The following ZSCAN1 variants were observed in gnomAD, a reference collection of about 807,000 sequenced individuals.
ZSCAN1 encodes zinc finger and SCAN domain-containing protein 1.
Under a neutral mutation model 23.8 loss-of-function variants are expected in ZSCAN1, and 23 were observed. That is an observed-to-expected ratio of 0.97 (90% CI 0.70 to 1.37). The LOEUF (loss-of-function observed/expected upper bound fraction) is 1.37, where lower values mean the gene tolerates loss of function less well. Ranked by LOEUF, ZSCAN1 falls within the 40% of genes most tolerant of loss-of-function variation. ZSCAN1 has a pLI of 0.00. For synonymous variants in ZSCAN1, 236 were observed against 232.3 expected (o/e 1.02, Z -0.15); for missense variants, 575 against 554.0 (o/e 1.04, Z -0.38).
At chr19:58,038,505 G>A (rs1237248196) in intron 3 of ZSCAN1, 5 of 561,276 alleles carry the variant, frequency 8.9e-6, no homozygotes, top group Admixed American at 3.4e-5. Flanking sequence ...TGGGAAGGAC[G>A]CTGCCTCGCC....
Position 58,054,215 on chromosome 19 carries a change from G to A in ZSCAN1, c.*164G>A, listed in dbSNP as rs1456714688. On this transcript the variant is annotated 3_prime_UTR_variant, in exon 6 of 6. Transcript: ENST00000282326. This position sits in a 1 kb window ranked among gnomAD's most constrained non-coding sequence, Gnocchi z 4.2. Reference sequence around the variant, plus strand: ...TCGGAAGACCCTGGACACCTGCTCCGAAGCCAAGCACGGGATGGGGCTTCC... The same window carrying A: ...TCGGAAGACCCTGGACACCTGCTCCAAAGCCAAGCACGGGATGGGGCTTCC... 1.9e-5 allele frequency: 18 copies of A among 965,194 alleles called. No homozygotes were observed. The highest frequency in any genetic ancestry group is 2.0e-5 in the Non-Finnish European group (14 of 684,952). The allele number at this position is 965,194 out of a possible 1,614,324, so 59.8% of individuals were successfully genotyped here. A position where few individuals can be genotyped will look rare whatever the true frequency, so the allele number is the denominator to read the frequency against.
rs146973204 is a variant in ZSCAN1 at position 58,053,720 on chromosome 19, T to C, written c.896T>C (p.Met299Thr). The C allele has an allele frequency of 1.2e-5, 19 of 1,613,888 alleles. No homozygotes were observed. Among genetic ancestry groups the C allele is most frequent in the Non-Finnish European group, 1.5e-5 (18 of 1,179,988 alleles). The change falls in exon 6 of 6, where the codon ATG (methionine) becomes ACG (threonine). Residue 299 changes from methionine (M) to threonine (T), a missense_variant. Coordinates refer to ENST00000282326, the MANE Select transcript of ZSCAN1 (RefSeq NM_182572.4). This position sits in a 1 kb window ranked among gnomAD's most constrained non-coding sequence, Gnocchi z 5.8. ...CCCTTCCAGTGTGCCGACTGTGGGATGGTCTTCACCTGGGTCACCCACTTC... is the reference window on the plus strand; with the variant it reads ...CCCTTCCAGTGTGCCGACTGTGGGACGGTCTTCACCTGGGTCACCCACTTC... ...GRPFQCADCG[M>T]VFTWVTHFIE...
Position 58,045,878 on chromosome 19 carries a change from A to G in ZSCAN1, c.465+5334A>G. On this transcript the variant is annotated intron_variant, in intron 4 of 5. Coordinates refer to ENST00000282326, the MANE Select transcript of ZSCAN1 (RefSeq NM_182572.4). The surrounding 1 kb of genome is among the most constrained non-coding windows in gnomAD (Gnocchi z 4.3). ...GCCGACCAGCTCAAGTCCACACTGCAGACTCTCCCAGAGATTGTGGCAAAG... is the reference window on the plus strand; with the variant it reads ...GCCGACCAGCTCAAGTCCACACTGCGGACTCTCCCAGAGATTGTGGCAAAG... 1 of 1,005,390 alleles carries G rather than the reference A, an allele frequency of 9.9e-7. No individual in the cohort carries two copies. The highest frequency in any genetic ancestry group is 1.6e-6 in the Non-Finnish European group (1 of 624,882). The allele number at this position is 1,005,390 out of a possible 1,614,324, so 62.3% of individuals were successfully genotyped here.
In ZSCAN1 at chr19:58,046,482, C is replaced by T. The variant is rs959147792; in HGVS notation, c.465+5938C>T. ...CCAGCAAGCTGGCCCCGGCCAAGGG[C>T]GTGCCCATGGGGGAGAACGTCATCA... is the stretch of plus-strand genomic sequence containing the variant. On this transcript the variant is annotated intron_variant, in intron 4 of 5. Coordinates refer to ENST00000282326, the MANE Select transcript of ZSCAN1 (RefSeq NM_182572.4). 1.3e-5 allele frequency: 11 copies of T among 856,958 alleles called. No individual in the cohort carries two copies. The East Asian group carries it at 2.2e-4, about 17-fold the overall frequency. The allele number at this position is 856,958 out of a possible 1,614,324, so 53.1% of individuals were successfully genotyped here. A position where few individuals can be genotyped will look rare whatever the true frequency, so the allele number is the denominator to read the frequency against.
intron 4 of ZSCAN1, chr19:58,044,924 C>T (rs2073814944): frequency 2.2e-6 from 2 of 901,702 alleles, no homozygotes; most frequent in East Asian, 2.5e-5. Context: ...TCTTCGCGCC[C>T]TGTTGGTGAT....
Position 58,053,896 on chromosome 19 carries a change from C to G in ZSCAN1, c.1072C>G (p.Arg358Gly), listed in dbSNP as rs144536843. The part of the protein sequence containing the change: ...RKKAPRSKGP[R>G]ESVPPRDGAQ... Reference sequence around the variant, plus strand: ...GAAAGCCCCCCGGAGCAAGGGCCCCCGGGAGTCCGTCCCACCCAGGGATGG... The same window carrying G: ...GAAAGCCCCCCGGAGCAAGGGCCCCGGGGAGTCCGTCCCACCCAGGGATGG... Residue 358 changes from arginine to glycine, a missense_variant, in exon 6 of 6, where the codon CGG becomes GGG. Physicochemically the swap from Arg to Gly is moderately radical, Grantham distance 125 (BLOSUM62 -2). Coordinates refer to ENST00000282326, the MANE Select transcript of ZSCAN1 (RefSeq NM_182572.4). The surrounding 1 kb of genome is among the most constrained non-coding windows in gnomAD (Gnocchi z 5.8). 2,240 of 1,613,244 alleles carry G rather than the reference C, an allele frequency of 1.4e-3. 5 individuals carry two copies. The highest frequency in any genetic ancestry group is 1.8e-3 in the Non-Finnish European group (2,116 of 1,179,358).
At chr19:58,036,382 C>G (rs1053982534) in intron 2 of ZSCAN1, among the ~76,000 whole-genome samples, 3 of 152,294 alleles carry the variant, frequency 2.0e-5, no homozygotes, top group Non-Finnish European at 4.4e-5. Context: ...GTCCAGAGTA[C>G]AATTGTTAAA....
chr19:58,053,573 G>A lies in ZSCAN1; in HGVS notation c.749G>A (p.Arg250Lys), dbSNP rs753861167. The change falls in exon 6 of 6, where the codon AGG becomes AAG. Residue 250 changes from arginine to lysine, a missense_variant. By Grantham distance (26) the Arg-to-Lys change is conservative (BLOSUM62 2). Transcript: ENST00000282326. This position sits in a 1 kb window ranked among gnomAD's most constrained non-coding sequence, Gnocchi z 5.8. Reference protein sequence around the residue: ...GPSAQRISPRRRNRNTDQSGR... With the variant: ...GPSAQRISPRKRNRNTDQSGR... The stretch of plus-strand genomic sequence containing the variant: ...AGTGCTCAGAGAATCAGTCCCCGAA[G>A]GAGAAACAGGAACACTGACCAGAGC... The A allele has an allele frequency of 4.3e-6, 7 of 1,614,164 alleles. No homozygotes were observed. The highest frequency in any genetic ancestry group is 5.9e-6 in the Non-Finnish European group (7 of 1,180,024).
At position 58,040,859 on chromosome 19, in the gene ZSCAN1, T is replaced by C. The variant is rs2073784087; in HGVS notation, c.465+315T>C. Among the ~76,000 whole-genome samples, 3 of 152,114 alleles carry C rather than the reference T, an allele frequency of 2.0e-5. No individual in the cohort carries two copies. The highest frequency in any genetic ancestry group is 4.4e-5 in the Non-Finnish European group (3 of 68,012). On this transcript the variant is annotated intron_variant, in intron 4 of 5. Coordinates refer to ENST00000282326, the MANE Select transcript of ZSCAN1 (RefSeq NM_182572.4). This position sits in a 1 kb window ranked among gnomAD's most constrained non-coding sequence, Gnocchi z 5.8. ...TCACCCGCACCAGATGCTGCGTGTG[T>C]TGAGAAAGTCCTGCTGCCCCGATCA...
At chr19:58,048,152 T>C (rs2073837912) in intron 4 of ZSCAN1, among the ~76,000 whole-genome samples, 1 of 152,268 alleles carries the variant, frequency 6.6e-6, no homozygotes, top group East Asian at 1.9e-4. Flanking sequence ...ATTTCTCAAT[T>C]GTAAACCTTT....
At chr19:58,044,705 G>T in intron 4 of ZSCAN1, 1 of 762,702 alleles carries the variant, frequency 1.3e-6, no homozygotes, top group Non-Finnish European at 2.4e-6. Context: ...CAGCTTGCCA[G>T]CACCCTGGGG....
chr19:58,044,753 C>T, intron 4 of ZSCAN1: 1 of 724,910 alleles, frequency 1.4e-6, no homozygotes, highest in Non-Finnish European at 2.5e-6. Context: ...GGCTGCTGCA[C>T]TCCCACCCAC....
intron 4 of ZSCAN1, among the ~76,000 whole-genome samples, chr19:58,041,109 A>G (rs1347149020): frequency 1.3e-5 from 2 of 152,236 alleles, no homozygotes; most frequent in African/African-American, 4.8e-5. Context: ...CAAAAGAACA[A>G]AAGTAAGAAC....
chr19:58,052,765 C>T (rs1159871542), intron 5 of ZSCAN1, 137 bp downstream of exon 5: 3 of 1,292,254 alleles, frequency 2.3e-6, no homozygotes, highest in East Asian at 5.0e-5. Context: ...GCATGCACAC[C>T]TCCTGTGAGG....
rs773393912 is a variant in ZSCAN1 at position 58,038,158 on chromosome 19, G to A, written c.322G>A (p.Glu108Lys). 4 of 1,608,806 alleles carry A rather than the reference G, an allele frequency of 2.5e-6. No individual in the cohort carries two copies. In the South Asian group the frequency reaches 4.4e-5, roughly 18 times the overall value. Residue 108 changes from glutamate to lysine, a missense_variant, in exon 3 of 6, where the codon GAG becomes AAG. Physicochemically the swap from Glu to Lys is moderately conservative, Grantham distance 56. Transcript: ENST00000282326. ...VQSQGPRSCR[E>K]AASLVEDLTQ... is the part of the protein sequence containing the mutation. Reference sequence around the variant, plus strand: ...GTCACAGGGCCCCCGAAGCTGCAGGGAGGCCGCCAGCCTGGTGGAGGACCT... The same window carrying A: ...GTCACAGGGCCCCCGAAGCTGCAGGAAGGCCGCCAGCCTGGTGGAGGACCT...
chr19:58,049,657 T>G lies in ZSCAN1; in HGVS notation c.466-2833T>G, dbSNP rs2073846580. On this transcript the variant is annotated intron_variant, in intron 4 of 5. Transcript: ENST00000282326. This position sits in a 1 kb window ranked among gnomAD's most constrained non-coding sequence, Gnocchi z 4.5. ...CTGTAAGGGTAGCTGCCCGAAGCCC[T>G]TTGAGGGTAGCACTCTAAGGTCCCT... Among the ~76,000 whole-genome samples the G allele has an allele frequency of 6.6e-6, 1 of 152,172 alleles. No homozygotes were observed. Among genetic ancestry groups the G allele is most frequent in the African/African-American group, 2.4e-5 (1 of 41,444 alleles).
At position 58,053,228 on chromosome 19, in the gene ZSCAN1, A is replaced by T. The variant is rs1414298436; in HGVS notation, c.605-201A>T. On this transcript the variant is annotated intron_variant, in intron 5 of 5. Coordinates refer to ENST00000282326, the MANE Select transcript of ZSCAN1 (RefSeq NM_182572.4). The surrounding 1 kb of genome is among the most constrained non-coding windows in gnomAD (Gnocchi z 5.8). ...TTCCTCGGCCTCCCAAAGTGCTGGG[A>T]TTACAGGCATGAGCCACTGCACCGG... 6.6e-6 allele frequency among the ~76,000 whole-genome samples: 1 copy of T among 152,130 alleles called. No individual in the cohort carries two copies. Among genetic ancestry groups the T allele is most frequent in the African/African-American group, 2.4e-5 (1 of 41,430 alleles).
chr19:58,046,376 G>A (rs1344920106), intron 4 of ZSCAN1: 12 of 905,686 alleles, frequency 1.3e-5, no homozygotes, highest in Non-Finnish European at 2.3e-5. Flanking sequence ...TCTAAAGCCA[G>A]CAAGAGATTG....
chr19:58,048,373 G>A (rs1013024825), intron 4 of ZSCAN1, among the ~76,000 whole-genome samples: 3 of 152,246 alleles, frequency 2.0e-5, no homozygotes, highest in Non-Finnish European at 4.4e-5. Context: ...TGTGGTTTGA[G>A]CCAAGTTTTC....
Sources: allele counts gnomAD v4.1 joint callset (sites outside exome capture counted in the v4.1 genomes callset), GRCh38; gene constraint gnomAD v4.1.1; non-coding constraint Gnocchi (gnomAD v3.1); transcripts MANE v1.5; gene names NCBI Gene and HGNC (gene_info 2026-07-23, HGNC 2026-07-21).